Variants in PLAAT1 observed in about 807,000 individuals in gnomAD.
PLAAT1 encodes H-REV107 protein-related protein.
Under a neutral mutation model 16.4 loss-of-function variants are expected in PLAAT1, and 13 were observed. The observed-to-expected ratio is 0.79, with a 90% CI of 0.52 to 1.26. The LOEUF is 1.26. Among genes scored for constraint, PLAAT1 ranks in the 50% most tolerant of loss-of-function variants. PLAAT1 has a pLI of 0.00. For synonymous variants in PLAAT1, 73 were observed against 78.4 expected (o/e 0.93, Z 0.36); for missense variants, 218 against 207.8 (o/e 1.05, Z -0.30).
intron 1 of PLAAT1, among the ~76,000 whole-genome samples, chr3:193,249,394 T>C (rs563904319): frequency 2.6e-5 from 4 of 152,310 alleles, no homozygotes; most frequent in African/African-American, 4.8e-5. Context: ...TTAATGTTCA[T>C]AGGTTCTTGG....
At chr3:193,253,227 A>C (rs1158720360) in intron 1 of PLAAT1, among the ~76,000 whole-genome samples, 1 of 152,134 alleles carries the variant, frequency 6.6e-6, no homozygotes, top group Non-Finnish European at 1.5e-5. Context: ...TAGTATCTTG[A>C]GGGGTTACTC....
intron 1 of PLAAT1, among the ~76,000 whole-genome samples, chr3:193,242,263 G>A (rs888167302): frequency 1.3e-5 from 2 of 152,054 alleles, no homozygotes; most frequent in Admixed American, 6.6e-5. Flanking sequence ...CCTCCATAGC[G>A]TATGCCCCAC....
intron 3 of PLAAT1, among the ~76,000 whole-genome samples, chr3:193,265,509 A>G (rs1385384210): frequency 2.0e-5 from 3 of 152,186 alleles, no homozygotes; most frequent in Admixed American, 1.3e-4. Context: ...GGAGACTGCT[A>G]AAGGGTAAGA....
At chr3:193,251,004 G>C (rs1049623083) in intron 1 of PLAAT1, among the ~76,000 whole-genome samples, 1 of 152,142 alleles carries the variant, frequency 6.6e-6, no homozygotes, top group Non-Finnish European at 1.5e-5. Context: ...GGAGCGAGCA[G>C]GGGAAAGAAG....
intron 1 of PLAAT1, among the ~76,000 whole-genome samples, chr3:193,250,357 C>CT (rs1451503327): frequency 1.3e-5 from 2 of 152,088 alleles, no homozygotes; most frequent in African/African-American, 4.8e-5. Flanking sequence ...TGCAGAGAAG[C>CT]TTTGAGCAGA....
downstream of PLAAT1, among the ~76,000 whole-genome samples, chr3:193,273,855 A>G (rs541083869): frequency 6.6e-6 from 1 of 152,330 alleles, no homozygotes; most frequent in South Asian, 2.1e-4. Context: ...ATTGTTTAGT[A>G]GCCTGAGAAC....
intron 2 of PLAAT1, among the ~76,000 whole-genome samples, chr3:193,259,901 C>T (rs994437714): frequency 4.0e-5 from 6 of 151,684 alleles, no homozygotes; most frequent in African/African-American, 1.5e-4. Context: ...CAAAAAAGAG[C>T]CCAAGTAGCA....
chr3:193,240,654 C>CGTGT (rs370008875), upstream of PLAAT1, among the ~76,000 whole-genome samples: 8,171 of 88,464 alleles, frequency 0.092, 494 homozygotes, highest in African/African-American at 0.15. Context: ...GGCTATCTGG[C>CGTGT]GTGTGTGTGT....
At chr3:193,272,798 G>T (rs1434452060), downstream of PLAAT1, among the ~76,000 whole-genome samples, 1 of 130,820 alleles carries the variant, frequency 7.6e-6, no homozygotes, top group African/African-American at 3.0e-5. Context: ...GGGTGTGGTA[G>T]TTTTCACCCT....
chr3:193,244,504 T>C (rs535670119), intron 1 of PLAAT1, among the ~76,000 whole-genome samples: 6 of 152,202 alleles, frequency 3.9e-5, no homozygotes, highest in African/African-American at 9.6e-5. Flanking sequence ...TTTATATTTA[T>C]GGGGTACAAC....
intron 2 of PLAAT1, among the ~76,000 whole-genome samples, chr3:193,260,145 C>T (rs1577306873): frequency 6.6e-6 from 1 of 152,098 alleles, no homozygotes; most frequent in Non-Finnish European, 1.5e-5. Context: ...GAATAACTGG[C>T]TAGCCATATG....
intron 2 of PLAAT1, among the ~76,000 whole-genome samples, chr3:193,259,158 T>C (rs1000334706): frequency 2.0e-5 from 3 of 152,164 alleles, no homozygotes; most frequent in Non-Finnish European, 4.4e-5. Flanking sequence ...CATATGATCA[T>C]CTCAATAGAT....
downstream of PLAAT1, chr3:193,279,518 T>C (rs1407367219): frequency 1.2e-5 from 16 of 1,332,014 alleles, no homozygotes; most frequent in Non-Finnish European, 1.6e-5. Context: ...TTGGCACACA[T>C]TGCAGAATCA....
chr3:193,241,466 C>G lies in PLAAT1; in HGVS notation c.-68C>G. 1 of 1,231,964 alleles carries G rather than the reference C, an allele frequency of 8.1e-7. No homozygotes were observed. The highest frequency in any genetic ancestry group is 1.0e-6 in the Non-Finnish European group (1 of 988,196). The allele number at this position is 1,231,964 out of a possible 1,614,324, so 76.3% of individuals were successfully genotyped here. A position where few individuals can be genotyped will look rare whatever the true frequency, so the allele number is the denominator to read the frequency against. ...GCGGCAAGGTCGGCAGCTGCGAGGC[C>G]AAGAGAGACCCCAGGACACACACAG... On this transcript the variant is annotated 5_prime_UTR_variant, in exon 1 of 4. Transcript: ENST00000264735.
chr3:193,281,273 A>G (rs1004561754), downstream of PLAAT1: 43 of 901,466 alleles, frequency 4.8e-5, no homozygotes, highest in East Asian at 1.2e-4. Flanking sequence ...AGACCTCACT[A>G]GCAACTGGGG....
downstream of PLAAT1, chr3:193,270,925 GT>G: frequency 1.1e-6 from 1 of 933,742 alleles, no homozygotes; most frequent in Non-Finnish European, 1.4e-6. Context: ...CGGAGAAGCA[GT>G]AGTCTTTTGA....
At chr3:193,279,395 C>A, downstream of PLAAT1, 1 of 1,613,794 alleles carries the variant, frequency 6.2e-7, no homozygotes, top group South Asian at 1.1e-5. Context: ...ACTTGAAAGT[C>A]AGAAAACAGA....
rs1386816700 is a variant in PLAAT1, at chr3:193,241,242, C to T, written c.-292C>T. On this transcript the variant is annotated 5_prime_UTR_variant, in exon 1 of 4. Transcript: ENST00000264735. Reference sequence around the variant, plus strand: ...CCATGGTCAGAGCCTCGTGCCGGCTCGGCAGCGCCCGGACGCCGAGCCCAG... The same window carrying T: ...CCATGGTCAGAGCCTCGTGCCGGCTTGGCAGCGCCCGGACGCCGAGCCCAG... 2 of 1,225,802 alleles carry T rather than the reference C, an allele frequency of 1.6e-6. No individual in the cohort carries two copies. Among genetic ancestry groups the T allele is most frequent in the Non-Finnish European group, 2.0e-6 (2 of 984,206 alleles). 75.9% of individuals were successfully genotyped at this position (1,225,802 alleles called of 1,614,324 possible). A position where few individuals can be genotyped will look rare whatever the true frequency, so the allele number is the denominator to read the frequency against.
At chr3:193,241,183 T>G, upstream of PLAAT1, 1 of 1,217,438 alleles carries the variant, frequency 8.2e-7, no homozygotes, top group Non-Finnish European at 1.0e-6. Flanking sequence ...CCGGAGCGAC[T>G]GTGCCCCGCC....
Sources: allele counts gnomAD v4.1 joint callset (sites outside exome capture counted in the v4.1 genomes callset), GRCh38; gene constraint gnomAD v4.1.1; transcripts MANE v1.5; gene names NCBI Gene and HGNC (gene_info 2026-07-23, HGNC 2026-07-21).